The following RYR3 variants were observed in gnomAD, a reference collection of about 807,000 sequenced individuals.
The protein encoded by RYR3 is brain ryanodine receptor-calcium release channel.
RYR3 carries 207 observed loss-of-function variants against 584.3 expected under a neutral mutation model. The ratio of observed to expected loss-of-function variants is 0.35; its 90% CI spans 0.32 to 0.40. RYR3 has a LOEUF of 0.40. Ranked by LOEUF, RYR3 falls within the 10% of genes least tolerant of loss-of-function variation. The probability of loss-of-function intolerance (pLI) is 1.00; values close to 1 mark genes in which losing one functional copy is unlikely to be tolerated. For missense variants in RYR3, 5,616 were observed against 6,089.2 expected (o/e 0.92, Z 2.59); for synonymous variants, 2,416 against 2,248.5 (o/e 1.07, Z -2.11).
intron 1 of RYR3, among the ~76,000 whole-genome samples, chr15:33,427,419 A>G (rs2141682554): frequency 6.6e-6 from 1 of 152,252 alleles, no homozygotes; most frequent in South Asian, 2.1e-4. Flanking sequence ...AGCAACATAG[A>G]CCTCATCTCT....
chr15:33,465,438 G>A (rs916628277), intron 1 of RYR3, among the ~76,000 whole-genome samples: 1 of 152,120 alleles, frequency 6.6e-6, no homozygotes, highest in Non-Finnish European at 1.5e-5. Context: ...CATCTAGCAT[G>A]CAAAGGTTCC....
chr15:33,353,956 T>C (rs2140951126), intron 1 of RYR3, among the ~76,000 whole-genome samples: 1 of 152,332 alleles, frequency 6.6e-6, no homozygotes, highest in African/African-American at 2.4e-5. Flanking sequence ...TCCAGCCTTT[T>C]GAAAGATCCT....
In RYR3 at chr15:33,550,236, A is replaced by T. The variant is rs1461230966; in HGVS notation, c.892A>T (p.Thr298Ser). Residue 298 changes from threonine to serine, a missense_variant, in exon 10 of 104, where the codon ACA (threonine) becomes TCA (serine). Around this residue, in one of 9 missense-constraint regions of RYR3, gnomAD observed 1,284 missense variants for 1,344.6 expected, o/e 0.95. Coordinates refer to ENST00000634891, the MANE Select transcript of RYR3 (RefSeq NM_001036.6). ...CACCACAGGCCACTACCTGGCCTTG[A>T]CAGAAGACCAAGGCCTTATACTGCA... is the stretch of plus-strand genomic sequence containing the variant. ...HLTTGHYLAL[T>S]EDQGLILQDR... 6.2e-7 allele frequency: 1 copy of T among 1,613,580 alleles called. No individual in the cohort carries two copies. Among genetic ancestry groups the T allele is most frequent in the Non-Finnish European group, 8.5e-7 (1 of 1,179,744 alleles).
intron 1 of RYR3, among the ~76,000 whole-genome samples, chr15:33,442,437 C>T (rs1266152599): frequency 6.6e-6 from 1 of 152,124 alleles, no homozygotes; most frequent in Non-Finnish European, 1.5e-5. Flanking sequence ...GTATTTAATG[C>T]CTCTTTGCTT....
intron 1 of RYR3, among the ~76,000 whole-genome samples, chr15:33,413,203 T>G (rs1206672708): frequency 6.6e-6 from 1 of 152,230 alleles, no homozygotes; most frequent in Non-Finnish European, 1.5e-5. Context: ...CTAGAAAACC[T>G]AGTAAAAACA....
intron 29 of RYR3, among the ~76,000 whole-genome samples, chr15:33,646,751 C>A (rs912475824): frequency 1.3e-5 from 2 of 152,244 alleles, no homozygotes; most frequent in Non-Finnish European, 1.5e-5. Context: ...TAAACAGACA[C>A]ATCTGGTGGA....
intron 62 of RYR3, among the ~76,000 whole-genome samples, chr15:33,771,431 G>A (rs1457849270): frequency 7.0e-6 from 1 of 143,402 alleles, no homozygotes; most frequent in Non-Finnish European, 1.5e-5. Flanking sequence ...CTACTCGGGA[G>A]GCTGAGGCAG....
Position 33,572,506 on chromosome 15 carries a change from T to G in RYR3, c.1268+5707T>G, listed in dbSNP as rs571461773. Among the ~76,000 whole-genome samples the G allele has an allele frequency of 1.8e-3, 274 of 151,820 alleles. 2 individuals carry two copies. Among genetic ancestry groups the G allele is most frequent in the Non-Finnish European group, 8.1e-4 (55 of 67,972 alleles). On this transcript the variant is annotated intron_variant, in intron 12 of 103. Coordinates refer to ENST00000634891, the MANE Select transcript of RYR3 (RefSeq NM_001036.6). Reference sequence around the variant, plus strand: ...CTCTCCAGTTTTTCCCGAGCATGTGTGTGGCCTTGCCCACTGCCTACTCTG... The same window carrying G: ...CTCTCCAGTTTTTCCCGAGCATGTGGGTGGCCTTGCCCACTGCCTACTCTG...
intron 1 of RYR3, among the ~76,000 whole-genome samples, chr15:33,417,515 CTGATTTTTGTACAT>C (rs2043903534): frequency 6.6e-6 from 1 of 152,050 alleles, no homozygotes; most frequent in Non-Finnish European, 1.5e-5. Flanking sequence ...AGAAATACTA[CTGATTTTTGTACAT>C]TGATTTTTGT....
chr15:33,353,319 AC>A (rs1176244248), intron 1 of RYR3, among the ~76,000 whole-genome samples: 1 of 152,172 alleles, frequency 6.6e-6, no homozygotes, highest in Non-Finnish European at 1.5e-5. Flanking sequence ...TGGAGAGGTC[AC>A]CCTTGAAGGT....
intron 47 of RYR3, among the ~76,000 whole-genome samples, chr15:33,729,278 A>G (rs2068732848): frequency 6.6e-6 from 1 of 152,098 alleles, no homozygotes; most frequent in African/African-American, 2.4e-5. Flanking sequence ...AGTAAATGTT[A>G]AGGGGCTATC....
At chr15:33,806,231 T>C (rs914204113) in intron 69 of RYR3, among the ~76,000 whole-genome samples, 1 of 152,154 alleles carries the variant, frequency 6.6e-6, no homozygotes, top group Non-Finnish European at 1.5e-5. Context: ...CAAAAGCCTG[T>C]GTCTGTCTTT....
chr15:33,406,812 T>C (rs1205037507), intron 1 of RYR3, among the ~76,000 whole-genome samples: 7 of 152,244 alleles, frequency 4.6e-5, no homozygotes. Context: ...CAGATCCTAG[T>C]CTAGATTCTG....
rs1967151407 is a variant in RYR3 at position 33,310,989 on chromosome 15, G to A, written c.-57G>A. 2.8e-6 allele frequency: 4 copies of A among 1,415,618 alleles called. No individual in the cohort carries two copies. Among genetic ancestry groups the A allele is most frequent in the Non-Finnish European group, 3.9e-6 (4 of 1,027,120 alleles). The allele number at this position is 1,415,618 out of a possible 1,614,324, so 87.7% of individuals were successfully genotyped here. ...AGCAGCAGTCAGCGCACGCCGAGCG[G>A]CTGCCGGGGGAAGCAGAGGCGCCGG... is the stretch of plus-strand genomic sequence containing the variant. On this transcript the variant is annotated 5_prime_UTR_variant, in exon 1 of 104. Coordinates refer to ENST00000634891, the MANE Select transcript of RYR3 (RefSeq NM_001036.6).
intron 32 of RYR3, among the ~76,000 whole-genome samples, chr15:33,658,752 A>C (rs762219123): frequency 6.6e-6 from 1 of 152,252 alleles, no homozygotes; most frequent in Non-Finnish European, 1.5e-5. Flanking sequence ...CTGCTCCTCC[A>C]TCAAAGGGAG....
chr15:33,503,332 C>CT (rs1332055348), intron 2 of RYR3, among the ~76,000 whole-genome samples: 12 of 152,108 alleles, frequency 7.9e-5, no homozygotes, highest in Non-Finnish European at 1.2e-4. Context: ...TCAGCCTTCC[C>CT]TTCCTCTCCC....
At chr15:33,429,674 G>C (rs1420729907) in intron 1 of RYR3, among the ~76,000 whole-genome samples, 1 of 152,168 alleles carries the variant, frequency 6.6e-6, no homozygotes, top group Admixed American at 6.5e-5. Context: ...ACACTATTTT[G>C]AGAAGACTTC....
At chr15:33,457,293 T>G (rs2572193) in intron 1 of RYR3, among the ~76,000 whole-genome samples, 92,387 of 152,018 alleles carry the variant, frequency 0.61, 28,756 homozygotes, top group African/African-American at 0.77. Context: ...CAAAGAGATA[T>G]CTGTACTCTT....
intron 1 of RYR3, among the ~76,000 whole-genome samples, chr15:33,330,142 G>A (rs1268228746): frequency 6.6e-6 from 1 of 152,142 alleles, no homozygotes; most frequent in Non-Finnish European, 1.5e-5. Context: ...AATCTCATGA[G>A]TAACTTAGCT....
Sources: gnomAD v4.1 joint callset for allele counts (sites outside exome capture counted in the v4.1 genomes callset) on GRCh38, gnomAD v4.1.1 for gene constraint, gnomAD v4.1.1 regional missense constraint, MANE v1.5 for transcripts, NCBI Gene and HGNC (gene_info 2026-07-23, HGNC 2026-07-21) for gene names.